Variants in SPSB1 observed in about 807,000 individuals in gnomAD.
SPSB1 encodes splA/ryanodine receptor domain and SOCS box containing 1.
Under a neutral mutation model 21.2 loss-of-function variants are expected in SPSB1, and 8 were observed. The ratio of observed to expected loss-of-function variants is 0.38; its 90% CI spans 0.22 to 0.68. The LOEUF (loss-of-function observed/expected upper bound fraction) is 0.68, where lower values mean the gene tolerates loss of function less well. SPSB1 is among the 30% of genes least tolerant of loss of function. The pLI, the probability that SPSB1 is intolerant of heterozygous loss-of-function variation, is 0.53. For missense variants in SPSB1, 242 were observed against 377.8 expected, an observed-to-expected ratio of 0.64 and a Z score of 2.98; for synonymous variants, 169 against 161.7, an observed-to-expected ratio of 1.05 and a Z score of -0.34.
rs1640615099 is a variant in SPSB1 at position 9,368,578 on chromosome 1, G to C, written c.*1003G>C. ...TTCTTTAGTCTTCTGTGGGTCTTTT[G>C]ATGTGGGTTTGATTTTGCTTTTGCT... On this transcript the variant is annotated 3_prime_UTR_variant, in exon 3 of 3. Transcript: ENST00000328089. 1 of 152,188 alleles carries C rather than the reference G, an allele frequency of 6.6e-6. No individual in the cohort carries two copies. The highest frequency in any genetic ancestry group is 2.1e-4 in the South Asian group (1 of 4,828). 9.4% of individuals were successfully genotyped at this position (152,188 alleles called of 1,614,324 possible).
intron 1 of SPSB1, among the ~76,000 whole-genome samples, chr1:9,327,873 A>G (rs1162559588): frequency 6.6e-6 from 1 of 152,220 alleles, no homozygotes; most frequent in East Asian, 1.9e-4. Context: ...ATAGTGGGCC[A>G]TATTTGGCCC....
At chr1:9,302,199 A>G (rs772934500) in intron 1 of SPSB1, among the ~76,000 whole-genome samples, 14 of 152,196 alleles carry the variant, frequency 9.2e-5, no homozygotes, top group Non-Finnish European at 1.9e-4. Flanking sequence ...GTGGGTGCCT[A>G]TGGGTGCCAG....
Position 9,317,608 on chromosome 1 carries a change from C to T in SPSB1, c.-150+24537C>T, listed in dbSNP as rs1010019407. Among the ~76,000 whole-genome samples, 3 of 152,090 alleles carry T rather than the reference C, an allele frequency of 2.0e-5. No individual in the cohort carries two copies. Among genetic ancestry groups the T allele is most frequent in the African/African-American group, 7.2e-5 (3 of 41,402 alleles). On this transcript the variant is annotated intron_variant, in intron 1 of 2. Coordinates refer to ENST00000328089, the MANE Select transcript of SPSB1 (RefSeq NM_025106.4). The surrounding 1 kb of genome is among the most constrained non-coding windows in gnomAD (Gnocchi z 4.3). The stretch of plus-strand genomic sequence containing the variant: ...CCTCAGCCTCTTGAGTAGCTGGGAC[C>T]TCAGGTATGCACTACCACGCCCAGA...
Position 9,345,002 on chromosome 1 carries a change from C to G in SPSB1, c.-149-10741C>G, listed in dbSNP as rs181655247. Among the ~76,000 whole-genome samples the G allele has an allele frequency of 6.6e-6, 1 of 152,214 alleles. No homozygotes were observed. The highest frequency in any genetic ancestry group is 1.5e-5 in the Non-Finnish European group (1 of 68,042). On this transcript the variant is annotated intron_variant, in intron 1 of 2. Coordinates refer to ENST00000328089, the MANE Select transcript of SPSB1 (RefSeq NM_025106.4). This position sits in a 1 kb window ranked among gnomAD's most constrained non-coding sequence, Gnocchi z 4.8. ...GAAAGCCTGGGTTTGGTCGGATCCC[C>G]TATGTCCAAGAGACTGCCTTGTTGG...
chr1:9,350,125 A>C (rs1269251865), intron 1 of SPSB1, among the ~76,000 whole-genome samples: 1 of 151,654 alleles, frequency 6.6e-6, no homozygotes, highest in Non-Finnish European at 1.5e-5. Context: ...CACCCCTACC[A>C]CCCGCACAGG....
At chr1:9,354,778 G>A (rs1640334585) in intron 1 of SPSB1, among the ~76,000 whole-genome samples, 2 of 151,780 alleles carry the variant, frequency 1.3e-5, no homozygotes, top group South Asian at 4.2e-4. Context: ...TCCAGCCTGG[G>A]CGACAGAGCA....
chr1:9,305,861 C>G lies in SPSB1; in HGVS notation c.-150+12790C>G, dbSNP rs565269650. On this transcript the variant is annotated intron_variant, in intron 1 of 2. Coordinates refer to ENST00000328089, the MANE Select transcript of SPSB1 (RefSeq NM_025106.4). This position sits in a 1 kb window ranked among gnomAD's most constrained non-coding sequence, Gnocchi z 4.8. ...AGGCCCGTCTCTGCTGATGATAGCG[C>G]TCAGGGTATCAGAGGACACTGGTGG... Among the ~76,000 whole-genome samples the G allele has an allele frequency of 1.2e-4, 19 of 152,228 alleles. No homozygotes were observed. The highest frequency in any genetic ancestry group is 1.2e-3 in the South Asian group (6 of 4,812).
At chr1:9,336,721 C>T (rs1452854266) in intron 1 of SPSB1, among the ~76,000 whole-genome samples, 1 of 152,180 alleles carries the variant, frequency 6.6e-6, no homozygotes, top group Non-Finnish European at 1.5e-5. Flanking sequence ...CACTCTGAGA[C>T]AATAAAAGGG....
chr1:9,355,924 T>C lies in SPSB1; in HGVS notation c.33T>C (p.Thr11=). ...AGAAGGTCACTGGAGGGATCAAGAC[T>C]GTGGACATGAGGGACCCCACGTACA... MGQKVTGGIK[T]VDMRDPTYRP... The change falls in exon 2 of 3, where the codon ACT becomes ACC. Residue 11 remains threonine (T), a synonymous_variant. Coordinates refer to ENST00000328089, the MANE Select transcript of SPSB1 (RefSeq NM_025106.4). The C allele has an allele frequency of 6.2e-7, 1 of 1,603,672 alleles. No homozygotes were observed. The highest frequency in any genetic ancestry group is 8.5e-7 in the Non-Finnish European group (1 of 1,174,290).
At chr1:9,329,704 CAAAA>C (rs370850231) in intron 1 of SPSB1, among the ~76,000 whole-genome samples, 1,430 of 87,048 alleles carry the variant, frequency 0.016, 26 homozygotes, top group African/African-American at 0.04. Flanking sequence ...AAAACAACAA[CAAAA>C]AAAAAAAAAA....
In SPSB1 at chr1:9,340,633, C is replaced by T. The variant is rs535716093; in HGVS notation, c.-149-15110C>T. On this transcript the variant is annotated intron_variant, in intron 1 of 2. Coordinates refer to ENST00000328089, the MANE Select transcript of SPSB1 (RefSeq NM_025106.4). ...AGCCTGTGGGGCTGGGGAGGGTCCCCGCAGCACCTGGGTCTGCGGTCTGAG... is the reference window on the plus strand; with the variant it reads ...AGCCTGTGGGGCTGGGGAGGGTCCCTGCAGCACCTGGGTCTGCGGTCTGAG... 5.9e-5 allele frequency among the ~76,000 whole-genome samples: 9 copies of T among 152,352 alleles called. No homozygotes were observed. In the South Asian group the frequency reaches 6.2e-4, roughly 11 times the overall value.
intron 1 of SPSB1, among the ~76,000 whole-genome samples, chr1:9,315,866 GAAAAC>G (rs375109143): frequency 1.3e-5 from 2 of 152,208 alleles, no homozygotes; most frequent in Non-Finnish European, 1.5e-5. Flanking sequence ...CATTTAAGGG[GAAAAC>G]AAAACAAAAC....
At chr1:9,347,768 G>A (rs1278082151) in intron 1 of SPSB1, among the ~76,000 whole-genome samples, 1 of 151,976 alleles carries the variant, frequency 6.6e-6, no homozygotes, top group Non-Finnish European at 1.5e-5. Flanking sequence ...GTAGACAAGA[G>A]CCCTGGAAGG....
Position 9,348,963 on chromosome 1 carries a change from GTA to G in SPSB1, c.-149-6776_-149-6775del, listed in dbSNP as rs1179933632. Among the ~76,000 whole-genome samples the G allele has an allele frequency of 1.5e-4, 22 of 148,172 alleles. No homozygotes were observed. The highest frequency in any genetic ancestry group is 1.3e-3 in the South Asian group (6 of 4,484). Reference sequence around the variant, plus strand: ...TGTGTGTGTGTGTGTGTGTGTGTGTGTATATGTGCGTGTGTGCACGTGCATGT... The same window carrying G: ...TGTGTGTGTGTGTGTGTGTGTGTGTGTATGTGCGTGTGTGCACGTGCATGT... On this transcript the variant is annotated intron_variant, in intron 1 of 2. Coordinates refer to ENST00000328089, the MANE Select transcript of SPSB1 (RefSeq NM_025106.4). The surrounding 1 kb of genome is among the most constrained non-coding windows in gnomAD (Gnocchi z 4.8).
chr1:9,353,051 T>C (rs1237766069), intron 1 of SPSB1, among the ~76,000 whole-genome samples: 1 of 152,074 alleles, frequency 6.6e-6, no homozygotes, highest in Non-Finnish European at 1.5e-5. Context: ...GGAGCTGACC[T>C]CTGTGCCCAC....
intron 1 of SPSB1, among the ~76,000 whole-genome samples, chr1:9,322,744 C>T (rs1172604557): frequency 3.9e-5 from 6 of 152,102 alleles, no homozygotes; most frequent in Non-Finnish European, 8.8e-5. Flanking sequence ...TGGCAGGTGT[C>T]GGAGAGGGAT....
intron 1 of SPSB1, among the ~76,000 whole-genome samples, chr1:9,296,924 A>G (rs1639234993): frequency 6.6e-6 from 1 of 152,174 alleles, no homozygotes; most frequent in African/African-American, 2.4e-5. Context: ...AGTTCTGTTC[A>G]TTGCCCAACG....
chr1:9,323,300 C>T (rs899968811), intron 1 of SPSB1, among the ~76,000 whole-genome samples: 2 of 152,216 alleles, frequency 1.3e-5, no homozygotes, highest in Admixed American at 6.5e-5. Context: ...CTCCACTGGG[C>T]CCCTCTCTGG....
chr1:9,331,750 C>A (rs1639924241), intron 1 of SPSB1, among the ~76,000 whole-genome samples: 1 of 152,176 alleles, frequency 6.6e-6, no homozygotes, highest in African/African-American at 2.4e-5. Context: ...CTCTCCGCTT[C>A]CTGTGTGTAG....
Sources: gnomAD v4.1 joint callset for allele counts (sites outside exome capture counted in the v4.1 genomes callset) on GRCh38, gnomAD v4.1.1 for gene constraint, Gnocchi (gnomAD v3.1) non-coding constraint, MANE v1.5 for transcripts, NCBI Gene and HGNC (gene_info 2026-07-23, HGNC 2026-07-21) for gene names.